SP140: variants seen among roughly 807,000 people sequenced by gnomAD.
SP140 encodes SP140 nuclear body protein.
SP140 carries 81 observed loss-of-function variants against 125.0 expected under a neutral mutation model. The observed-to-expected ratio is 0.65, with a 90% CI of 0.54 to 0.78. The LOEUF (loss-of-function observed/expected upper bound fraction) is 0.78, where lower values mean the gene tolerates loss of function less well. SP140 is among the 30% of genes least tolerant of loss of function. The probability of loss-of-function intolerance (pLI) is 0.00; values close to 1 mark genes in which losing one functional copy is unlikely to be tolerated. For synonymous variants in SP140, 312 were observed against 354.0 expected (o/e 0.88, Z 1.33); for missense variants, 858 against 1,037.0 (o/e 0.83, Z 2.37).
rs549935334 is a variant in SP140, at chr2:230,211,721, A to G, written c.-322-1933A>G. Among the ~76,000 whole-genome samples, 1 of 152,306 alleles carries G rather than the reference A, an allele frequency of 6.6e-6. No homozygotes were observed. The highest frequency in any genetic ancestry group is 6.5e-5 in the Admixed American group (1 of 15,304). ...GAAAGTAAGCAACCATTCACTCTCA[A>G]TTAGCCACTTGTTCTTCCATTGCTG... On this transcript the variant is annotated intron_variant, in intron 1 of 4. Coordinates refer to the SP140 transcript ENST00000456542. The surrounding 1 kb of genome is among the most constrained non-coding windows in gnomAD (Gnocchi z 4.2).
At chr2:230,274,645 G>A (rs570143709) in intron 15 of SP140, among the ~76,000 whole-genome samples, 105 of 151,780 alleles carry the variant, frequency 6.9e-4, no homozygotes, top group South Asian at 4.6e-3. Flanking sequence ...TAAATTTATG[G>A]TAATTTATTA....
intron 1 of SP140, chr2:230,203,606 CT>C (rs2043419482): frequency 6.6e-6 from 1 of 150,946 alleles, no homozygotes; most frequent in Non-Finnish European, 1.5e-5. Flanking sequence ...TAAAACTTGC[CT>C]TTCATTGCCA....
intron 1 of SP140, among the ~76,000 whole-genome samples, chr2:230,233,793 G>T (rs761807284): frequency 1.1e-4 from 17 of 152,330 alleles, no homozygotes; most frequent in Non-Finnish European, 1.6e-4. Context: ...AAGGCAGCTA[G>T]ACCCTCCTAT....
At chr2:230,214,832 T>C in intron 3 of SP140, 1 of 842,616 alleles carries the variant, frequency 1.2e-6, no homozygotes, top group Non-Finnish European at 2.0e-6. Context: ...ATATGGTCCA[T>C]TCCACCCCAG....
At chr2:230,267,176 G>A (rs554515720) in intron 12 of SP140, among the ~76,000 whole-genome samples, 2 of 152,268 alleles carry the variant, frequency 1.3e-5, no homozygotes, top group African/African-American at 4.8e-5. Context: ...TTGGCTTTAG[G>A]TGAGACTGAA....
chr2:230,207,478 A>G (rs1305592385), intron 1 of SP140, among the ~76,000 whole-genome samples: 1 of 152,186 alleles, frequency 6.6e-6, no homozygotes, highest in Non-Finnish European at 1.5e-5. Context: ...CAAAACACAC[A>G]TCTATACACA....
rs371854451 is a variant in SP140, at chr2:230,310,055, G to A, written c.2174+16G>A. The A allele has an allele frequency of 1.2e-5, 19 of 1,612,534 alleles. No individual in the cohort carries two copies. Among genetic ancestry groups the A allele is most frequent in the East Asian group, 4.5e-5 (2 of 44,888 alleles). ...AAGCTGAGAGGTAAGTGACATGCAG[G>A]CGTCTCTCTTTTTGTCCTTTAAGGG... is the stretch of plus-strand genomic sequence containing the variant. On this transcript the variant is annotated intron_variant, in intron 23 of 26. Coordinates refer to ENST00000392045, the MANE Select transcript of SP140 (RefSeq NM_007237.5).
intron 15 of SP140, among the ~76,000 whole-genome samples, chr2:230,279,420 T>C (rs1338615444): frequency 2.0e-5 from 3 of 152,102 alleles, no homozygotes; most frequent in Non-Finnish European, 4.4e-5. Flanking sequence ...TAAACTATGT[T>C]ACAAAGCAAG....
intron 1 of SP140, among the ~76,000 whole-genome samples, chr2:230,206,780 C>T (rs2043909261): frequency 6.6e-6 from 1 of 151,610 alleles, no homozygotes; most frequent in African/African-American, 2.4e-5. Context: ...CTTGCTTTCA[C>T]TTCCCCAGAA....
At chr2:230,299,250 A>G (rs186608068) in intron 22 of SP140, among the ~76,000 whole-genome samples, 5 of 152,326 alleles carry the variant, frequency 3.3e-5, no homozygotes, top group Non-Finnish European at 5.9e-5. Flanking sequence ...GAGATAGCCA[A>G]AAAACCGTGA....
chr2:230,191,020 G>T, the SP140 span, among the ~76,000 whole-genome samples: 49 of 152,200 alleles, frequency 3.2e-4, no homozygotes, highest in Non-Finnish European at 6.0e-4. Context: ...TTTTGCTTAG[G>T]ATTGTCCTAG....
At chr2:230,189,476 T>C in the SP140 span, among the ~76,000 whole-genome samples, 5 of 152,328 alleles carry the variant, frequency 3.3e-5, no homozygotes, top group South Asian at 1.0e-3. Context: ...TTAATTTCCA[T>C]TTATTTGTTA....
At chr2:230,292,504 G>A in intron 19 of SP140, 142 bp from the exon 20 acceptor site, 2 of 1,111,898 alleles carry the variant, frequency 1.8e-6, no homozygotes, top group South Asian at 3.1e-5. Context: ...TGGGGCCTCT[G>A]TAGTCTGAGA....
rs754034920 is a variant in SP140, at chr2:230,237,188, T to G, written c.165T>G (p.Ser55Arg). Residue 55 changes from serine to arginine, a missense_variant, in exon 2 of 27, where the codon AGT (serine) becomes AGG (arginine). Physicochemically the swap from Ser to Arg is moderately radical, Grantham distance 110. This residue lies in a region of SP140 where 791 missense variants were observed against 869.5 expected (regional missense o/e 0.91). Transcript: ENST00000392045. This position sits in a 1 kb window ranked among gnomAD's most constrained non-coding sequence, Gnocchi z 5.4. Reference protein sequence around the residue: ...FFRENKVEIASAITRPFPFLM... With the variant: ...FFRENKVEIARAITRPFPFLM... Reference sequence around the variant, plus strand: ...GAGAAAACAAGGTGGAGATTGCAAGTGCAATAACAAGGCCATTTCCTTTCC... The same window carrying G: ...GAGAAAACAAGGTGGAGATTGCAAGGGCAATAACAAGGCCATTTCCTTTCC... The G allele has an allele frequency of 1.9e-6, 3 of 1,613,744 alleles. No homozygotes were observed.
At chr2:230,276,438 T>C (rs2054725111) in intron 15 of SP140, among the ~76,000 whole-genome samples, 2 of 152,192 alleles carry the variant, frequency 1.3e-5, no homozygotes, top group Non-Finnish European at 2.9e-5. Flanking sequence ...TTACTGAGTA[T>C]TTTAAACCCA....
chr2:230,285,786 T>A lies in SP140; in HGVS notation c.1599T>A (p.Ser533Arg), dbSNP rs1420147956. The A allele has an allele frequency of 2.5e-6, 4 of 1,613,922 alleles. No homozygotes were observed. Among genetic ancestry groups the A allele is most frequent in the Non-Finnish European group, 3.4e-6 (4 of 1,179,830 alleles). ...NSKADGQVVS[S>R]EKKANVNLKD... ...AAGCCGACGGCCAGGTGGTCTCCAG[T>A]GAAAAGAAGGCGAACGTGAATCTGA... Residue 533 changes from serine to arginine, a missense_variant, in exon 17 of 27, where the codon AGT (serine) becomes AGA (arginine). By Grantham distance (110) the Ser-to-Arg change is moderately radical. This residue lies in a region of SP140 where 791 missense variants were observed against 869.5 expected (regional missense o/e 0.91). Coordinates refer to ENST00000392045, the MANE Select transcript of SP140 (RefSeq NM_007237.5).
At chr2:230,187,681 T>C in the SP140 span, among the ~76,000 whole-genome samples, 1 of 152,036 alleles carries the variant, frequency 6.6e-6, no homozygotes, top group Non-Finnish European at 1.5e-5. Flanking sequence ...AGGTGGGAAA[T>C]AGGGATCCAG....
intron 1 of SP140, among the ~76,000 whole-genome samples, chr2:230,231,479 G>T (rs1202297690): frequency 5.9e-5 from 9 of 152,106 alleles, no homozygotes; most frequent in African/African-American, 1.9e-4. Context: ...TAGCGTTCTT[G>T]TTTTTCTTTC....
chr2:230,265,837 C>T (rs144549004), intron 12 of SP140, among the ~76,000 whole-genome samples: 1 of 151,960 alleles, frequency 6.6e-6, no homozygotes, highest in Non-Finnish European at 1.5e-5. Context: ...CTGCTTCCTT[C>T]AGAGGGTCAT....
Sources: gnomAD v4.1 joint callset for allele counts (sites outside exome capture counted in the v4.1 genomes callset) on GRCh38, gnomAD v4.1.1 for gene constraint, gnomAD v4.1.1 regional missense constraint, Gnocchi (gnomAD v3.1) non-coding constraint, MANE v1.5 for transcripts, NCBI Gene and HGNC (gene_info 2026-07-23, HGNC 2026-07-21) for gene names.